Variants in CHRM3 observed in about 807,000 individuals in gnomAD.
CHRM3 encodes muscarinic acetylcholine receptor M3.
Under a neutral mutation model 41.8 loss-of-function variants are expected in CHRM3, and 11 were observed. The observed-to-expected ratio is 0.26, with a 90% CI of 0.17 to 0.44. CHRM3 has a LOEUF of 0.44. Ranked by LOEUF, CHRM3 falls within the 20% of genes least tolerant of loss-of-function variation. The probability of loss-of-function intolerance (pLI) is 1.00; values close to 1 mark genes in which losing one functional copy is unlikely to be tolerated. For missense variants in CHRM3, 571 were observed against 745.4 expected (o/e 0.77, Z 2.72); for synonymous variants, 297 against 301.4 (o/e 0.99, Z 0.15).
chr1:239,811,089 T>C (rs142516317), intron 5 of CHRM3, among the ~76,000 whole-genome samples: 3 of 152,342 alleles, frequency 2.0e-5, no homozygotes, highest in East Asian at 3.9e-4. Flanking sequence ...TCGAACAGTT[T>C]ATGAATTTGA....
chr1:239,697,341 G>A (rs183702203), intron 5 of CHRM3, among the ~76,000 whole-genome samples: 1 of 152,222 alleles, frequency 6.6e-6, no homozygotes, highest in African/African-American at 2.4e-5. Context: ...TCCATGCCAC[G>A]TGACTTGCTC....
chr1:239,769,788 C>T (rs889990593), intron 5 of CHRM3, among the ~76,000 whole-genome samples: 4 of 151,470 alleles, frequency 2.6e-5, no homozygotes, highest in African/African-American at 4.9e-5. Flanking sequence ...GGTTGAGGCA[C>T]GAGAATTGCT....
At chr1:239,657,633 A>T (rs1293625869) in intron 4 of CHRM3, among the ~76,000 whole-genome samples, 1 of 152,222 alleles carries the variant, frequency 6.6e-6, no homozygotes, top group African/African-American at 2.4e-5. Flanking sequence ...TTATATTCTG[A>T]CATTTTTCCC....
intron 4 of CHRM3, among the ~76,000 whole-genome samples, chr1:239,651,650 C>T (rs893886764): frequency 2.6e-5 from 4 of 152,148 alleles, no homozygotes; most frequent in African/African-American, 9.7e-5. Context: ...GAAGTTGGTA[C>T]TCAAAGTGTG....
intron 6 of CHRM3, among the ~76,000 whole-genome samples, chr1:239,857,766 A>G (rs1040406801): frequency 1.3e-5 from 2 of 152,210 alleles, no homozygotes; most frequent in African/African-American, 4.8e-5. Context: ...AATGAAAGCC[A>G]GCCTTTCTAG....
chr1:239,491,901 A>G (rs1020962878), intron 1 of CHRM3, among the ~76,000 whole-genome samples: 2 of 152,352 alleles, frequency 1.3e-5, no homozygotes, highest in South Asian at 4.1e-4. Context: ...AGCTCAGAGT[A>G]GTTGTTGTGA....
chr1:239,871,614 T>G (rs192171896), intron 6 of CHRM3, among the ~76,000 whole-genome samples: 68 of 152,312 alleles, frequency 4.5e-4, no homozygotes, highest in Non-Finnish European at 4.3e-4. Context: ...TCATAACACA[T>G]GATGAGTGAC....
chr1:239,822,172 A>G (rs6429161), intron 5 of CHRM3, among the ~76,000 whole-genome samples: 1 of 152,114 alleles, frequency 6.6e-6, no homozygotes, highest in Non-Finnish European at 1.5e-5. Flanking sequence ...TCTGCATAGA[A>G]ATCTAATTCA....
chr1:239,621,761 G>A (rs891557927), intron 3 of CHRM3, among the ~76,000 whole-genome samples: 2 of 152,152 alleles, frequency 1.3e-5, no homozygotes, highest in Non-Finnish European at 2.9e-5. Context: ...TGAGGTTTAA[G>A]GACAAAAGCT....
At chr1:239,806,417 T>C (rs1220274010) in intron 5 of CHRM3, among the ~76,000 whole-genome samples, 7 of 146,132 alleles carry the variant, frequency 4.8e-5, no homozygotes, top group Admixed American at 3.5e-4. Context: ...AGGATGGAGT[T>C]ACACACACAC....
At chr1:239,833,178 G>C (rs1408612931) in intron 6 of CHRM3, among the ~76,000 whole-genome samples, 1 of 152,192 alleles carries the variant, frequency 6.6e-6, no homozygotes, top group Non-Finnish European at 1.5e-5. Flanking sequence ...GTAAGTATGG[G>C]CCAGGCGTGG....
At chr1:239,459,043 C>T (rs1665166309) in intron 1 of CHRM3, among the ~76,000 whole-genome samples, 1 of 152,122 alleles carries the variant, frequency 6.6e-6, no homozygotes, top group Non-Finnish European at 1.5e-5. Flanking sequence ...GCTCATTCTC[C>T]ACCATTAACT....
intron 5 of CHRM3, among the ~76,000 whole-genome samples, chr1:239,788,650 T>C (rs1456333511): frequency 2.0e-5 from 3 of 151,800 alleles, no homozygotes; most frequent in African/African-American, 7.3e-5. Flanking sequence ...CCTGTAATCC[T>C]AGCTACTCGG....
At chr1:239,872,404 C>A (rs142884377) in intron 6 of CHRM3, among the ~76,000 whole-genome samples, 97 of 152,236 alleles carry the variant, frequency 6.4e-4, no homozygotes, top group African/African-American at 2.2e-3. Context: ...GACCTGTGGA[C>A]CTGGTCTAGA....
intron 1 of CHRM3, among the ~76,000 whole-genome samples, chr1:239,490,637 T>C (rs1193326670): frequency 6.6e-6 from 1 of 152,094 alleles, no homozygotes; most frequent in East Asian, 1.9e-4. Flanking sequence ...TCATAGCTCA[T>C]TGCAGTCTGG....
chr1:239,436,582 C>T (rs903280283), intron 1 of CHRM3, among the ~76,000 whole-genome samples: 6 of 151,910 alleles, frequency 3.9e-5, no homozygotes, highest in Non-Finnish European at 8.8e-5. Flanking sequence ...CATTCAGGAA[C>T]AGCCAAGGGA....
intron 5 of CHRM3, among the ~76,000 whole-genome samples, chr1:239,794,562 T>C (rs1188096079): frequency 2.6e-5 from 4 of 152,198 alleles, no homozygotes; most frequent in Non-Finnish European, 4.4e-5. Flanking sequence ...CATTTTGTTT[T>C]AGCTTCTGTC....
intron 1 of CHRM3, among the ~76,000 whole-genome samples, chr1:239,407,615 T>C (rs1366595003): frequency 6.6e-6 from 1 of 152,232 alleles, no homozygotes; most frequent in East Asian, 1.9e-4. Flanking sequence ...CATATTTATA[T>C]TGAAATCACC....
At chr1:239,591,937 A>T (rs900368202) in intron 3 of CHRM3, among the ~76,000 whole-genome samples, 1 of 152,180 alleles carries the variant, frequency 6.6e-6, no homozygotes, top group African/African-American at 2.4e-5. Flanking sequence ...AGGCCCAGGA[A>T]ATAAAAGTTC....
Sources: gnomAD v4.1 joint callset for allele counts (sites outside exome capture counted in the v4.1 genomes callset) on GRCh38, gnomAD v4.1.1 for gene constraint, MANE v1.5 for transcripts, NCBI Gene and HGNC (gene_info 2026-07-23, HGNC 2026-07-21) for gene names.